TNR: variants seen among roughly 807,000 people sequenced by gnomAD.
TNR encodes the protein tenascin-R.
Under a neutral mutation model 150.4 loss-of-function variants are expected in TNR, and 45 were observed. That is an observed-to-expected ratio of 0.30 (90% CI 0.24 to 0.38). The LOEUF (loss-of-function observed/expected upper bound fraction) is 0.38, where lower values mean the gene tolerates loss of function less well. TNR is among the 10% of genes least tolerant of loss of function. The pLI, the probability that TNR is intolerant of heterozygous loss-of-function variation, is 1.00. For synonymous variants in TNR, 687 were observed against 678.4 expected, an observed-to-expected ratio of 1.01 and a Z score of -0.20; for missense variants, 1,544 against 1,759.1, an observed-to-expected ratio of 0.88 and a Z score of 2.19.
At chr1:175,600,116 T>G (rs1436154873) in intron 1 of TNR, among the ~76,000 whole-genome samples, 1 of 152,210 alleles carries the variant, frequency 6.6e-6, no homozygotes, top group Non-Finnish European at 1.5e-5. Context: ...ACCACTTGTA[T>G]TAGCTGTGAT....
At chr1:175,473,569 C>T (rs745310467) in intron 2 of TNR, among the ~76,000 whole-genome samples, 13 of 152,146 alleles carry the variant, frequency 8.5e-5, no homozygotes, top group Admixed American at 4.6e-4. Context: ...GTAGGAAAGC[C>T]GGTGAAGTGG....
At chr1:175,326,839 T>C (rs2101980731) in intron 21 of TNR, among the ~76,000 whole-genome samples, 1 of 152,234 alleles carries the variant, frequency 6.6e-6, no homozygotes, top group South Asian at 2.1e-4. Flanking sequence ...AGCTAATTTT[T>C]GTATTTTCAG....
At chr1:175,461,668 T>C (rs921818840) in intron 2 of TNR, among the ~76,000 whole-genome samples, 2 of 152,244 alleles carry the variant, frequency 1.3e-5, no homozygotes, top group Non-Finnish European at 2.9e-5. Context: ...TTCAGGTGTT[T>C]ACTGCTTCTG....
intron 1 of TNR, among the ~76,000 whole-genome samples, chr1:175,558,248 T>G (rs1661265066): frequency 7.1e-6 from 1 of 140,070 alleles, no homozygotes; most frequent in Non-Finnish European, 1.6e-5. Flanking sequence ...AATATGCACA[T>G]GTACCCTAAA....
chr1:175,655,463 A>T (rs1041897906), intron 1 of TNR, among the ~76,000 whole-genome samples: 1 of 152,204 alleles, frequency 6.6e-6, no homozygotes, highest in African/African-American at 2.4e-5. Context: ...TCACTTAGGT[A>T]GTAATTGGCA....
At chr1:175,467,297 A>C (rs1212544780) in intron 2 of TNR, among the ~76,000 whole-genome samples, 1 of 152,130 alleles carries the variant, frequency 6.6e-6, no homozygotes, top group African/African-American at 2.4e-5. Context: ...CCCACCAGCA[A>C]GTGCCAAGCT....
intron 1 of TNR, among the ~76,000 whole-genome samples, chr1:175,529,654 A>G (rs1286781336): frequency 6.6e-6 from 1 of 152,206 alleles, no homozygotes; most frequent in Non-Finnish European, 1.5e-5. Flanking sequence ...TGGACAGTGT[A>G]ATTTAGATGG....
intron 2 of TNR, among the ~76,000 whole-genome samples, chr1:175,445,176 A>G (rs1228829115): frequency 6.6e-6 from 1 of 152,212 alleles, no homozygotes; most frequent in Admixed American, 6.5e-5. Context: ...AGGCAGAGGC[A>G]GGAGAATAGA....
rs1471457908 is a variant in TNR at position 175,369,240 on chromosome 1, CCA to C, written c.1964-1945_1964-1944del. On this transcript the variant is annotated intron_variant, in intron 9 of 22. Transcript: ENST00000367674. ...TTCCTGTGGATGCTGTTATAAATTA[CCA>C]CACACAGTGTGGCTTAAAACAGACA... Among the ~76,000 whole-genome samples the C allele has an allele frequency of 4.6e-5, 7 of 152,336 alleles. No homozygotes were observed. The South Asian group carries it at 1.4e-3, about 32-fold the overall frequency.
At chr1:175,703,929 AGG>A in intron 1 of TNR, among the ~76,000 whole-genome samples, 1 of 152,326 alleles carries the variant, frequency 6.6e-6, no homozygotes, top group Non-Finnish European at 1.5e-5. Flanking sequence ...AAGCCTGCAG[AGG>A]GTTAATAATA....
chr1:175,554,360 G>C (rs906044734), intron 1 of TNR, among the ~76,000 whole-genome samples: 17 of 128,064 alleles, frequency 1.3e-4, no homozygotes, highest in Non-Finnish European at 2.5e-4. Context: ...AAAAAAAAAA[G>C]ATATCCTTTC....
chr1:175,736,094 A>G (rs10913070), intron 1 of TNR, among the ~76,000 whole-genome samples: 47,268 of 152,154 alleles, frequency 0.31, 7,802 homozygotes, highest in African/African-American at 0.43. Flanking sequence ...CAAGTACCCC[A>G]AGCTGCACCC....
chr1:175,554,694 A>G (rs927428583), intron 1 of TNR, among the ~76,000 whole-genome samples: 8 of 151,956 alleles, frequency 5.3e-5, no homozygotes, highest in Admixed American at 2.6e-4. Flanking sequence ...CAGCTCCATG[A>G]TTTCTCCAGC....
intron 1 of TNR, among the ~76,000 whole-genome samples, chr1:175,587,239 T>C (rs1662610757): frequency 6.6e-6 from 1 of 152,164 alleles, no homozygotes; most frequent in South Asian, 2.1e-4. Flanking sequence ...TAGCATAGGG[T>C]AGGTCCTGAT....
At chr1:175,398,749 G>A (rs960759863) in intron 4 of TNR, among the ~76,000 whole-genome samples, 6 of 152,192 alleles carry the variant, frequency 3.9e-5, no homozygotes, top group Admixed American at 6.5e-5. Context: ...CAGGCAGAAT[G>A]ACTATAAACC....
At chr1:175,635,400 A>C (rs1018912403) in intron 1 of TNR, among the ~76,000 whole-genome samples, 1 of 152,244 alleles carries the variant, frequency 6.6e-6, no homozygotes, top group East Asian at 1.9e-4. Context: ...TCCTGGTTTT[A>C]ACATTTGCCT....
chr1:175,369,435 G>A (rs1651991019), intron 9 of TNR, among the ~76,000 whole-genome samples: 1 of 152,168 alleles, frequency 6.6e-6, no homozygotes, highest in African/African-American at 2.4e-5. Context: ...GTAGACACAT[G>A]TGTGTCTGTG....
At chr1:175,446,927 GT>G (rs1557939570) in intron 2 of TNR, among the ~76,000 whole-genome samples, 1 of 152,120 alleles carries the variant, frequency 6.6e-6, no homozygotes, top group East Asian at 1.9e-4. Flanking sequence ...TATGTGTGTT[GT>G]ATGCATGTGT....
At chr1:175,382,116 A>C (rs906128781) in intron 8 of TNR, among the ~76,000 whole-genome samples, 1 of 152,250 alleles carries the variant, frequency 6.6e-6, no homozygotes, top group African/African-American at 2.4e-5. Flanking sequence ...TTTTCATTAT[A>C]GTACTCATAA....
Sources: allele counts gnomAD v4.1 joint callset (sites outside exome capture counted in the v4.1 genomes callset), GRCh38; gene constraint gnomAD v4.1.1; transcripts MANE v1.5; gene names NCBI Gene and HGNC (gene_info 2026-07-23, HGNC 2026-07-21).